The following C12orf60 variants were observed in gnomAD, a reference collection of about 807,000 sequenced individuals.
C12orf60 encodes the protein uncharacterized protein C12orf60.
For synonymous variants in C12orf60, 102 were observed against 94.6 expected, an observed-to-expected ratio of 1.08 and a Z score of -0.45; for missense variants, 284 against 283.2, an observed-to-expected ratio of 1.00 and a Z score of -0.02.
chr12:14,814,925 A>G (rs1197478665), intron 1 of C12orf60, among the ~76,000 whole-genome samples: 2 of 152,234 alleles, frequency 1.3e-5, no homozygotes, highest in Admixed American at 6.5e-5. Flanking sequence ...AGTACCACTT[A>G]CTAGTCATGT....
At chr12:14,806,661 A>C (rs1950056635) in intron 1 of C12orf60, 2 of 1,596,352 alleles carry the variant, frequency 1.3e-6, no homozygotes, top group Non-Finnish European at 1.7e-6. Flanking sequence ...CTCTGGGTAA[A>C]GGAAGTCACT....
chr12:14,804,294 G>T (rs929521040), intron 1 of C12orf60, among the ~76,000 whole-genome samples: 3 of 151,926 alleles, frequency 2.0e-5, no homozygotes, highest in Admixed American at 2.0e-4. Context: ...CCCTCTTTCC[G>T]TGAGTCAGCC....
intron 1 of C12orf60, among the ~76,000 whole-genome samples, chr12:14,822,044 T>C (rs1225348284): frequency 7.1e-6 from 1 of 141,296 alleles, no homozygotes; most frequent in African/African-American, 2.7e-5. Flanking sequence ...TGGGTGGCAC[T>C]GCTGTTACTT....
Position 14,823,803 on chromosome 12 carries a change from G to T in C12orf60, c.*130G>T, listed in dbSNP as rs1950344057. The T allele has an allele frequency of 1.4e-6, 1 of 732,334 alleles. No individual in the cohort carries two copies. Among genetic ancestry groups the T allele is most frequent in the Non-Finnish European group, 2.0e-6 (1 of 501,052 alleles). The allele number at this position is 732,334 out of a possible 1,614,324, so 45.4% of individuals were successfully genotyped here. ...AACATAAGTACACAAAAGTCATCTG[G>T]CAAAACATTTACCTGTAGTTTTGCT... is the stretch of plus-strand genomic sequence containing the variant. On this transcript the variant is annotated 3_prime_UTR_variant, in exon 2 of 2. Coordinates refer to ENST00000330828, the MANE Select transcript of C12orf60 (RefSeq NM_175874.4).
chr12:14,821,132 T>G (rs899567057), intron 1 of C12orf60, among the ~76,000 whole-genome samples: 3 of 152,326 alleles, frequency 2.0e-5, no homozygotes, highest in African/African-American at 7.2e-5. Context: ...TTTCTGTTTT[T>G]CTGTTCTGTT....
chr12:14,806,434 C>G lies in C12orf60; in HGVS notation c.-25+2683C>G, dbSNP rs778090071. The G allele has an allele frequency of 3.1e-6, 5 of 1,614,080 alleles. No individual in the cohort carries two copies. In the African/African-American group the frequency reaches 6.7e-5, roughly 22 times the overall value. On this transcript the variant is annotated intron_variant, in intron 1 of 1. Coordinates refer to ENST00000330828, the MANE Select transcript of C12orf60 (RefSeq NM_175874.4). ...AGCTTATCTTTTAGTGCTTCATCAA[C>G]CTTCTGCAATTCCTTTTGGATTTTC...
chr12:14,810,462 G>C (rs961922632), intron 1 of C12orf60, among the ~76,000 whole-genome samples: 1 of 152,190 alleles, frequency 6.6e-6, no homozygotes, highest in Non-Finnish European at 1.5e-5. Flanking sequence ...TCATATGCCA[G>C]CACCACTCTG....
chr12:14,811,570 C>T (rs1381258794), intron 1 of C12orf60, among the ~76,000 whole-genome samples: 1 of 152,312 alleles, frequency 6.6e-6, no homozygotes, highest in South Asian at 2.1e-4. Flanking sequence ...ATGCTTACTG[C>T]ACCTAACCTT....
intron 1 of C12orf60, among the ~76,000 whole-genome samples, chr12:14,813,347 G>C (rs1385386948): frequency 6.6e-6 from 1 of 152,152 alleles, no homozygotes; most frequent in Non-Finnish European, 1.5e-5. Context: ...TAGGGTATAG[G>C]TAAAATCAGG....
At chr12:14,811,152 C>T (rs1950129797) in intron 1 of C12orf60, among the ~76,000 whole-genome samples, 1 of 152,158 alleles carries the variant, frequency 6.6e-6, no homozygotes, top group Non-Finnish European at 1.5e-5. Context: ...ATGGTGCTTC[C>T]TGTTGGTGAA....
At chr12:14,815,591 A>G (rs528750378) in intron 1 of C12orf60, among the ~76,000 whole-genome samples, 1 of 152,366 alleles carries the variant, frequency 6.6e-6, no homozygotes, top group South Asian at 2.1e-4. Flanking sequence ...ATAATGAACC[A>G]TTAAAAAATC....
intron 1 of C12orf60, chr12:14,806,250 A>T (rs150740460): frequency 1.2e-6 from 2 of 1,614,194 alleles, no homozygotes; most frequent in Non-Finnish European, 1.7e-6. Flanking sequence ...CTTGTTAATT[A>T]TGCCAGTTGT....
intron 1 of C12orf60, among the ~76,000 whole-genome samples, chr12:14,821,655 T>C (rs1448384476): frequency 6.6e-6 from 1 of 152,226 alleles, no homozygotes; most frequent in Non-Finnish European, 1.5e-5. Context: ...ACATTAAGTC[T>C]ACATGCATTG....
At chr12:14,818,065 A>T (rs559095031) in intron 1 of C12orf60, among the ~76,000 whole-genome samples, 4 of 152,166 alleles carry the variant, frequency 2.6e-5, no homozygotes, top group African/African-American at 9.6e-5. Flanking sequence ...TTTGATTTGC[A>T]TTTCTCTGAT....
At position 14,822,305 on chromosome 12, in the gene C12orf60, G is replaced by C. The variant is rs141593678; in HGVS notation, c.-24-607G>C. 4.5e-3 allele frequency among the ~76,000 whole-genome samples: 684 copies of C among 150,780 alleles called. 6 individuals are homozygous for C. The highest frequency in any genetic ancestry group is 0.016 in the African/African-American group (644 of 40,616). The stretch of plus-strand genomic sequence containing the variant: ...CCAAGATGGGATATATAGGAAGCAG[G>C]AGAAGACAAACGACAACAACAACAA... On this transcript the variant is annotated intron_variant, in intron 1 of 1. Transcript: ENST00000330828.
rs187640321 is a variant in C12orf60 at position 14,823,530 on chromosome 12, G to C, written c.595G>C (p.Asp199His). Residue 199 changes from aspartate to histidine, a missense_variant, in exon 2 of 2, where the codon GAT (aspartate) becomes CAT (histidine). By Grantham distance (81) the Asp-to-His change is moderately conservative. Coordinates refer to ENST00000330828, the MANE Select transcript of C12orf60 (RefSeq NM_175874.4). ...ACTGCAGGATGTACTAAAAACTGAG[G>C]ATTCCAAAAATCCCACAAAGTCAGC... is the stretch of plus-strand genomic sequence containing the variant. ...KKLQDVLKTE[D>H]SKNPTKSAAD... 71 of 1,613,762 alleles carry C rather than the reference G, an allele frequency of 4.4e-5. No individual in the cohort carries two copies. The East Asian group carries it at 1.5e-3, about 33-fold the overall frequency.
chr12:14,821,424 T>C (rs1950303295), intron 1 of C12orf60, among the ~76,000 whole-genome samples: 1 of 152,170 alleles, frequency 6.6e-6, no homozygotes, highest in Non-Finnish European at 1.5e-5. Flanking sequence ...CTGGTGGCCA[T>C]GACCATCCCT....
intron 1 of C12orf60, among the ~76,000 whole-genome samples, chr12:14,816,803 G>C (rs1365284833): frequency 6.8e-6 from 1 of 147,094 alleles, no homozygotes; most frequent in Non-Finnish European, 1.5e-5. Flanking sequence ...GGAGTGCAGT[G>C]GTGCCATCTT....
chr12:14,807,942 A>T (rs575334043), intron 1 of C12orf60, among the ~76,000 whole-genome samples: 1 of 152,244 alleles, frequency 6.6e-6, no homozygotes, highest in East Asian at 1.9e-4. Context: ...CAGGCAGGTG[A>T]ATAACTTGAG....
Sources: gnomAD v4.1 joint callset for allele counts (sites outside exome capture counted in the v4.1 genomes callset) on GRCh38, gnomAD v4.1.1 for gene constraint, MANE v1.5 for transcripts, NCBI Gene and HGNC (gene_info 2026-07-23, HGNC 2026-07-21) for gene names.